Variants in FRMPD4 observed in about 807,000 individuals in gnomAD.
The protein encoded by FRMPD4 is FERM and PDZ domain-containing protein 4.
Under a neutral mutation model 94.1 loss-of-function variants are expected in FRMPD4, and 22 were observed. The ratio of observed to expected loss-of-function variants is 0.23; its 90% CI spans 0.17 to 0.33. FRMPD4 has a LOEUF of 0.33. Ranked by LOEUF, FRMPD4 falls within the 10% of genes least tolerant of loss-of-function variation. The probability of loss-of-function intolerance (pLI) is 1.00; values close to 1 mark genes in which losing one functional copy is unlikely to be tolerated. For synonymous variants in FRMPD4, 631 were observed against 548.6 expected, an observed-to-expected ratio of 1.15 and a Z score of -2.10; for missense variants, 1,111 against 1,339.9, an observed-to-expected ratio of 0.83 and a Z score of 2.67.
chrX:12,053,359 G>GAAAGAAAGA (rs752976625), intron 3 of FRMPD4, among the ~76,000 whole-genome samples: 1 of 51,428 alleles, frequency 1.9e-5, no homozygotes, highest in African/African-American at 7.6e-5. Context: ...AGGAAAGAAA[G>GAAAGAAAGA]AAGAAAGAAA....
intron 1 of FRMPD4, among the ~76,000 whole-genome samples, chrX:12,191,445 G>A (rs1264891951): frequency 8.9e-6 from 1 of 112,084 alleles, no homozygotes; most frequent in Non-Finnish European, 1.9e-5. Flanking sequence ...GCCCGCACAC[G>A]AATGTTTATA....
rs144930260 is a variant in FRMPD4 at position 12,013,127 on chromosome X, G to A, written c.95+135109G>A. Among the ~76,000 whole-genome samples, 256 of 111,674 alleles carry A rather than the reference G, an allele frequency of 2.3e-3. 1 individual carries two copies. The highest frequency in any genetic ancestry group is 7.3e-3 in the African/African-American group (224 of 30,719). On this transcript the variant is annotated intron_variant, in intron 3 of 18. Transcript: ENST00000640291. ...AGAGGGAGTCATTAAGCAGTGTCTT[G>A]GATTCTAAGGAAATGTCTCTCAGCA...
chrX:12,387,894 G>A lies in FRMPD4; in HGVS notation c.42-110786G>A, dbSNP rs149833361. Among the ~76,000 whole-genome samples the A allele has an allele frequency of 3.9e-3, 423 of 108,190 alleles. 4 individuals carry two copies. Among genetic ancestry groups the A allele is most frequent in the Non-Finnish European group, 5.7e-3 (296 of 52,363 alleles). The allele number at this position is 108,190 out of a possible 115,157, so 93.9% of individuals were successfully genotyped here. A position where few individuals can be genotyped will look rare whatever the true frequency, so the allele number is the denominator to read the frequency against. On this transcript the variant is annotated intron_variant, in intron 1 of 16. Coordinates refer to ENST00000675598, the MANE Select transcript of FRMPD4 (RefSeq NM_001368397.1). ...GCCAGCGTCCATGTCTGTGAGTGGT[G>A]TAATTGGCCATTGACCACCTCAGTT...
chrX:12,569,127 A>G (rs2058738827), intron 2 of FRMPD4, among the ~76,000 whole-genome samples: 1 of 111,160 alleles, frequency 9.0e-6, no homozygotes, highest in Non-Finnish European at 1.9e-5. Context: ...CCCCTTTCAG[A>G]TGCTGACACC....
intron 3 of FRMPD4, among the ~76,000 whole-genome samples, chrX:11,910,951 AC>A (rs1264098466): frequency 3.6e-4 from 40 of 110,871 alleles, no homozygotes; most frequent in Non-Finnish European, 5.7e-4. Context: ...AAAAAAAAAA[AC>A]ATCTTCCAAG....
chrX:11,879,871 A>T (rs974356383), intron 3 of FRMPD4, among the ~76,000 whole-genome samples: 4 of 111,893 alleles, frequency 3.6e-5, no homozygotes, highest in African/African-American at 1.3e-4. Flanking sequence ...TAGCTTCGCT[A>T]GAATAAGGTC....
chrX:12,040,020 T>C (rs2054744336), intron 3 of FRMPD4, among the ~76,000 whole-genome samples: 1 of 109,648 alleles, frequency 9.1e-6, no homozygotes, highest in African/African-American at 3.3e-5. Context: ...TATGTTGCTA[T>C]TGGGTGCAGT....
At chrX:12,592,445 C>G (rs561248884) in intron 2 of FRMPD4, among the ~76,000 whole-genome samples, 2 of 112,107 alleles carry the variant, frequency 1.8e-5, no homozygotes, top group Admixed American at 1.9e-4. Context: ...CTTTCTGCCC[C>G]TACACACTTC....
At chrX:11,905,470 G>T (rs754351368) in intron 3 of FRMPD4, among the ~76,000 whole-genome samples, 3 of 111,610 alleles carry the variant, frequency 2.7e-5, no homozygotes, top group African/African-American at 9.8e-5. Context: ...TCATGTCATT[G>T]TTAATAATTC....
intron 2 of FRMPD4, among the ~76,000 whole-genome samples, chrX:12,532,278 T>C (rs915705630): frequency 2.7e-5 from 3 of 111,987 alleles, no homozygotes; most frequent in Non-Finnish European, 5.6e-5. Context: ...TATGGTCTTT[T>C]AAAATTAATT....
intron 3 of FRMPD4, among the ~76,000 whole-genome samples, chrX:12,125,069 C>G (rs1014998265): frequency 8.9e-6 from 1 of 111,911 alleles, no homozygotes; most frequent in Non-Finnish European, 1.9e-5. Context: ...AGTCACTGTG[C>G]AAGTGATGCC....
intron 3 of FRMPD4, among the ~76,000 whole-genome samples, chrX:12,067,655 A>G (rs1762800330): frequency 9.1e-6 from 1 of 110,472 alleles, no homozygotes; most frequent in African/African-American, 3.3e-5. Context: ...TGATCTTGTG[A>G]TCTGCCTGCC....
intron 1 of FRMPD4, among the ~76,000 whole-genome samples, chrX:12,279,737 A>C (rs749911540): frequency 1.2e-4 from 13 of 110,684 alleles, no homozygotes; most frequent in African/African-American, 3.3e-5. Context: ...AGGGGATTAC[A>C]TTGTTCCAGT....
intron 3 of FRMPD4, among the ~76,000 whole-genome samples, chrX:12,049,764 A>G (rs978554824): frequency 1.8e-5 from 2 of 111,783 alleles, no homozygotes; most frequent in African/African-American, 6.5e-5. Flanking sequence ...GTTTCCCCTG[A>G]AAACCTGCCA....
intron 2 of FRMPD4, among the ~76,000 whole-genome samples, chrX:12,549,166 TAGAC>T (rs1163183809): frequency 8.9e-6 from 1 of 112,147 alleles, no homozygotes; most frequent in Non-Finnish European, 1.9e-5. Context: ...CCCTGATTAT[TAGAC>T]AGAAAAGTCA....
chrX:12,522,839 G>T (rs2058179306), intron 2 of FRMPD4, among the ~76,000 whole-genome samples: 1 of 111,387 alleles, frequency 9.0e-6, no homozygotes, highest in South Asian at 3.8e-4. Context: ...CTGACCTCGG[G>T]TGATCTGCCC....
At chrX:12,426,251 A>C (rs6654957) in intron 1 of FRMPD4, among the ~76,000 whole-genome samples, 1,943 of 111,109 alleles carry the variant, frequency 0.017, 46 homozygotes, top group African/African-American at 0.06. Flanking sequence ...GAAACAAGAT[A>C]GTAACCCCTC....
Position 12,474,638 on chromosome X carries a change from G to A in FRMPD4, c.42-24042G>A, listed in dbSNP as rs752030392. On this transcript the variant is annotated intron_variant, in intron 1 of 16. Coordinates refer to ENST00000675598, the MANE Select transcript of FRMPD4 (RefSeq NM_001368397.1). ...TAATGATAAAGGGGATATCATCACC[G>A]ATCCCAGAGAAATACAAACTACCAT... 1.7e-4 allele frequency among the ~76,000 whole-genome samples: 19 copies of A among 111,518 alleles called. No homozygotes were observed. In the South Asian group the frequency reaches 3.4e-3, roughly 20 times the overall value.
intron 3 of FRMPD4, among the ~76,000 whole-genome samples, chrX:11,917,042 C>T (rs2054028553): frequency 8.9e-6 from 1 of 111,961 alleles, no homozygotes; most frequent in African/African-American, 3.2e-5. Context: ...CCTACCTCTT[C>T]CTGCTCAAAG....
Sources: gnomAD v4.1 joint callset for allele counts (sites outside exome capture counted in the v4.1 genomes callset) on GRCh38, gnomAD v4.1.1 for gene constraint, MANE v1.5 for transcripts, NCBI Gene and HGNC (gene_info 2026-07-23, HGNC 2026-07-21) for gene names.